Variants in RAB40B observed in about 807,000 individuals in gnomAD.
RAB40B encodes RAB40B, member RAS oncogene family.
RAB40B carries 21 observed loss-of-function variants against 24.0 expected under a neutral mutation model. That is an observed-to-expected ratio of 0.88 (90% confidence interval 0.62 to 1.26). The LOEUF is 1.26. RAB40B is among the 50% of genes most tolerant of loss of function. The pLI is 0.00. For missense variants in RAB40B, 348 were observed against 390.5 expected, an observed-to-expected ratio of 0.89 and a Z score of 0.92; for synonymous variants, 167 against 169.8, an observed-to-expected ratio of 0.98 and a Z score of 0.13.
chr17:82,693,902 G>C (rs868599007), intron 1 of RAB40B, among the ~76,000 whole-genome samples: 1 of 151,482 alleles, frequency 6.6e-6, no homozygotes, highest in Non-Finnish European at 1.5e-5. Context: ...GGCTAACAAA[G>C]TGAAACCCCG....
At chr17:82,662,006 C>T (rs2046180461) in intron 2 of RAB40B, 6 of 985,358 alleles carry the variant, frequency 6.1e-6, no homozygotes, top group Non-Finnish European at 6.0e-6. Context: ...GGAGTCTGCA[C>T]ATGCAACGAA....
chr17:82,695,452 A>C (rs1004654868), intron 1 of RAB40B, among the ~76,000 whole-genome samples: 8 of 151,280 alleles, frequency 5.3e-5, no homozygotes, highest in African/African-American at 1.7e-4. Context: ...GGCCTCCCCA[A>C]GTGCTGGGAT....
chr17:82,686,402 G>A (rs1013797749), intron 1 of RAB40B, among the ~76,000 whole-genome samples: 23 of 152,222 alleles, frequency 1.5e-4, no homozygotes, highest in Admixed American at 2.0e-4. Flanking sequence ...ATGAGCCACC[G>A]CGCCCGGCCA....
intron 3 of RAB40B, 102 bp from the exon 4 acceptor site, chr17:82,659,759 T>G: frequency 1.2e-6 from 1 of 852,270 alleles, no homozygotes; most frequent in South Asian, 1.5e-5. Context: ...TTCCTTATTT[T>G]AACACAAAGT....
intron 1 of RAB40B, among the ~76,000 whole-genome samples, chr17:82,688,562 G>T (rs1011652957): frequency 2.6e-5 from 4 of 152,112 alleles, no homozygotes; most frequent in African/African-American, 9.7e-5. Flanking sequence ...GGTGCAGTGA[G>T]CTAAGAACAC....
intron 2 of RAB40B, 42 bp from the exon 3 acceptor site, chr17:82,661,089 T>G (rs373305091): frequency 4.4e-6 from 7 of 1,608,106 alleles, no homozygotes; most frequent in African/African-American, 2.7e-5. Context: ...AACCAGTGCT[T>G]CTTCCTGACA....
At chr17:82,672,633 G>A (rs1172650295) in intron 1 of RAB40B, among the ~76,000 whole-genome samples, 5 of 152,248 alleles carry the variant, frequency 3.3e-5, no homozygotes, top group Admixed American at 3.3e-4. Context: ...ACAAGGAGAG[G>A]AAGACACCTG....
chr17:82,670,908 T>C (rs1158438764), intron 1 of RAB40B, among the ~76,000 whole-genome samples: 1 of 152,068 alleles, frequency 6.6e-6, no homozygotes, highest in Non-Finnish European at 1.5e-5. Flanking sequence ...TCATGGATGC[T>C]CACAGTCTGA....
chr17:82,698,389 T>A, intron 1 of RAB40B, 66 bp downstream of exon 1: 60 of 35,214 alleles, frequency 1.7e-3, no homozygotes, highest in Non-Finnish European at 1.9e-3. Flanking sequence ...CCGCACCCCC[T>A]CCCCAGCCCC....
rs1330273114 is a variant in RAB40B at position 82,663,428 on chromosome 17, C to T, written c.203+1068G>A. Among the ~76,000 whole-genome samples, 1 of 152,106 alleles carries T rather than the reference C, an allele frequency of 6.6e-6. No homozygotes were observed. The highest frequency in any genetic ancestry group is 1.5e-5 in the Non-Finnish European group (1 of 67,988). On this transcript the variant is annotated intron_variant, in intron 2 of 5. Transcript: ENST00000571995. This position sits in a 1 kb window ranked among gnomAD's most constrained non-coding sequence, Gnocchi z 6.2. ...AGGATGAGGCACCGCAGGAGCCCCC[C>T]ATCCCCACCGCCCCAGAGCTGGAAC...
chr17:82,676,260 A>G (rs113495099), intron 1 of RAB40B, among the ~76,000 whole-genome samples: 2 of 119,272 alleles, frequency 1.7e-5, no homozygotes, highest in African/African-American at 4.0e-5. Context: ...CTTCAACAGC[A>G]TCTCCCCCAC....
chr17:82,662,661 G>A (rs1045994267), intron 2 of RAB40B: 6 of 985,220 alleles, frequency 6.1e-6, no homozygotes, highest in East Asian at 1.1e-4. Flanking sequence ...AGCTGGCACC[G>A]GCACCACAGG....
chr17:82,685,357 TCAAC>T (rs58762800), intron 1 of RAB40B, among the ~76,000 whole-genome samples: 2,454 of 145,208 alleles, frequency 0.017, 70 homozygotes, highest in African/African-American at 0.066. Context: ...GGCCGTGCAC[TCAAC>T]TGAACGCAGA....
At chr17:82,658,208 C>T (rs951498680) in intron 5 of RAB40B, 74 bp from the exon 6 acceptor site, 37 of 1,547,690 alleles carry the variant, frequency 2.4e-5, no homozygotes, top group Middle Eastern at 2.4e-4. Flanking sequence ...GGTGCCCACA[C>T]CTGTTCTCCC....
At chr17:82,669,635 A>G (rs1217445820) in intron 1 of RAB40B, among the ~76,000 whole-genome samples, 2 of 152,172 alleles carry the variant, frequency 1.3e-5, no homozygotes. Context: ...CCTGGGTGAC[A>G]GAGTGAGACT....
At chr17:82,681,020 CAAAAAAAAAAAAAAAAA>C (rs201799464) in intron 1 of RAB40B, among the ~76,000 whole-genome samples, 4 of 93,956 alleles carry the variant, frequency 4.3e-5, no homozygotes, top group Admixed American at 1.5e-4. Context: ...GACTCCATCT[CAAAAAAAAAAAAAAAAA>C]AAAAAAAAAA....
intron 1 of RAB40B, chr17:82,664,894 C>T (rs557095492): frequency 1.6e-5 from 4 of 244,670 alleles, no homozygotes; most frequent in African/African-American, 6.8e-5. Context: ...GGTGTGCCCC[C>T]GTCTGGGCTG....
chr17:82,669,836 C>T (rs1014681903), intron 1 of RAB40B, among the ~76,000 whole-genome samples: 4 of 152,202 alleles, frequency 2.6e-5, no homozygotes, highest in Non-Finnish European at 5.9e-5. Context: ...TGTGCCAAGT[C>T]CTGCAGCCGT....
chr17:82,695,211 G>A (rs1337994497), intron 1 of RAB40B, among the ~76,000 whole-genome samples: 3 of 140,696 alleles, frequency 2.1e-5, no homozygotes, highest in Non-Finnish European at 3.0e-5. Context: ...TTTTTTTTTC[G>A]AGACAAAATC....
Sources: gnomAD v4.1 joint callset for allele counts (sites outside exome capture counted in the v4.1 genomes callset) on GRCh38, gnomAD v4.1.1 for gene constraint, Gnocchi (gnomAD v3.1) non-coding constraint, MANE v1.5 for transcripts, NCBI Gene and HGNC (gene_info 2026-07-23, HGNC 2026-07-21) for gene names.